The following ADAMTSL1 variants were observed in gnomAD, a reference collection of about 807,000 sequenced individuals.
ADAMTSL1 encodes the protein ADAMTS like 1, also known as ADAMTS-like protein 1.
In ADAMTSL1, 126 loss-of-function variants were observed where a neutral mutation model predicts 201.8. The observed-to-expected ratio is 0.62, with a 90% CI of 0.54 to 0.72. The LOEUF (loss-of-function observed/expected upper bound fraction) is 0.72, where lower values mean the gene tolerates loss of function less well. Ranked by LOEUF, ADAMTSL1 falls within the 30% of genes least tolerant of loss-of-function variation. The pLI is 0.00. For missense variants in ADAMTSL1, 2,679 were observed against 2,277.8 expected (o/e 1.18, Z -3.59); for synonymous variants, 1,121 against 903.4 (o/e 1.24, Z -4.32).
At chr9:18,838,681 A>G (rs1825495120) in intron 23 of ADAMTSL1, among the ~76,000 whole-genome samples, 2 of 151,874 alleles carry the variant, frequency 1.3e-5, no homozygotes, top group Admixed American at 1.3e-4. Context: ...TTTTTAAAAT[A>G]TAACTAGGCA....
intron 2 of ADAMTSL1, among the ~76,000 whole-genome samples, chr9:18,348,908 G>A (rs1425199569): frequency 6.6e-6 from 1 of 152,116 alleles, no homozygotes; most frequent in African/African-American, 2.4e-5. Context: ...ACCATTTATT[G>A]AACGTGTATT....
chr9:18,021,498 G>A (rs776172925), intron 1 of ADAMTSL1, among the ~76,000 whole-genome samples: 1 of 152,102 alleles, frequency 6.6e-6, no homozygotes, highest in Non-Finnish European at 1.5e-5. Flanking sequence ...GCTTCAGTTG[G>A]TGGTTGGAAC....
rs571015248 is a variant in ADAMTSL1, at chr9:18,404,986, C to T, written c.208-99843C>T. On this transcript the variant is annotated intron_variant, in intron 2 of 29. Transcript: ENST00000680146. ...TTAGTCTGCCATTGAGTCTGGCCAA[C>T]AACTTTCTTGACTAGACTTGCCTTG... is the stretch of plus-strand genomic sequence containing the variant. Among the ~76,000 whole-genome samples the T allele has an allele frequency of 4.0e-4, 61 of 152,224 alleles. 1 individual carries two copies. The South Asian group carries it at 0.013, about 32-fold the overall frequency.
At chr9:18,293,173 C>T (rs1174584459) in intron 2 of ADAMTSL1, among the ~76,000 whole-genome samples, 1 of 152,126 alleles carries the variant, frequency 6.6e-6, no homozygotes, top group African/African-American at 2.4e-5. Flanking sequence ...CACTGATGGG[C>T]ACCTAGGTTG....
chr9:18,543,795 G>C (rs928123308), intron 3 of ADAMTSL1, among the ~76,000 whole-genome samples: 7 of 152,204 alleles, frequency 4.6e-5, no homozygotes, highest in Admixed American at 4.6e-4. Flanking sequence ...AGCTGGCCAA[G>C]TTCACTGGGT....
At chr9:18,007,746 G>C (rs887040724) in intron 1 of ADAMTSL1, among the ~76,000 whole-genome samples, 1 of 151,782 alleles carries the variant, frequency 6.6e-6, no homozygotes, top group Non-Finnish European at 1.5e-5. Flanking sequence ...ATGTTCTGAT[G>C]TTCAAATGTT....
At chr9:18,833,885 T>A (rs1322188082) in intron 23 of ADAMTSL1, among the ~76,000 whole-genome samples, 1 of 152,170 alleles carries the variant, frequency 6.6e-6, no homozygotes, top group African/African-American at 2.4e-5. Flanking sequence ...AGGAAGGGAC[T>A]CAGTTTTAAT....
chr9:18,131,203 A>C (rs1424060473), intron 1 of ADAMTSL1, among the ~76,000 whole-genome samples: 1 of 152,168 alleles, frequency 6.6e-6, no homozygotes, highest in Admixed American at 6.6e-5. Flanking sequence ...ATTTTGAGTA[A>C]GTTATTTAAG....
In ADAMTSL1 at chr9:18,087,588, A is replaced by C. The variant is rs377125238; in HGVS notation, c.88-76274A>C. 1.9e-4 allele frequency among the ~76,000 whole-genome samples: 29 copies of C among 152,288 alleles called. No individual in the cohort carries two copies. In the East Asian group the frequency reaches 5.2e-3, roughly 27 times the overall value. On this transcript the variant is annotated intron_variant, in intron 1 of 29. Coordinates refer to the ADAMTSL1 transcript ENST00000680146. Reference sequence around the variant, plus strand: ...TAATTTTGGATTTGCATTTTATAACAGAAAATTTAAAGTTTTCTATTAGTA... The same window carrying C: ...TAATTTTGGATTTGCATTTTATAACCGAAAATTTAAAGTTTTCTATTAGTA...
At chr9:18,657,518 AGTG>A (rs1828769785) in intron 7 of ADAMTSL1, 118 bp from the exon 8 acceptor site, 5 of 663,772 alleles carry the variant, frequency 7.5e-6, no homozygotes, top group Non-Finnish European at 1.1e-5. Context: ...CTTCTCCCGC[AGTG>A]CAGTCCCTCA....
At chr9:18,208,451 G>A (rs983120636) in intron 2 of ADAMTSL1, among the ~76,000 whole-genome samples, 1 of 152,076 alleles carries the variant, frequency 6.6e-6, no homozygotes, top group African/African-American at 2.4e-5. Flanking sequence ...TCAGATACAC[G>A]GCAACCAATG....
chr9:18,059,154 C>G (rs1322878134), intron 1 of ADAMTSL1, among the ~76,000 whole-genome samples: 1 of 152,152 alleles, frequency 6.6e-6, no homozygotes, highest in Non-Finnish European at 1.5e-5. Flanking sequence ...TGGAGGGTAT[C>G]ACAGACACGA....
chr9:18,362,505 G>A (rs1437727441), intron 2 of ADAMTSL1, among the ~76,000 whole-genome samples: 3 of 152,170 alleles, frequency 2.0e-5, no homozygotes, highest in Non-Finnish European at 4.4e-5. Flanking sequence ...ATATTGAATA[G>A]CTGAGTGTTC....
chr9:18,134,695 G>C (rs1564019305), intron 1 of ADAMTSL1, among the ~76,000 whole-genome samples: 1 of 152,088 alleles, frequency 6.6e-6, no homozygotes. Context: ...AACAGCCTTA[G>C]ATTTACTAAA....
At chr9:18,287,631 G>GTATGTGTATACATATACA (rs1563860088) in intron 2 of ADAMTSL1, among the ~76,000 whole-genome samples, 1,491 of 115,220 alleles carry the variant, frequency 0.013, 66 homozygotes, top group African/African-American at 0.054. Flanking sequence ...ATACATATAC[G>GTATGTGTATACATATACA]CATATATGTA....
intron 2 of ADAMTSL1, among the ~76,000 whole-genome samples, chr9:18,287,491 C>T (rs529069846): frequency 2.1e-4 from 31 of 150,800 alleles, no homozygotes; most frequent in Admixed American, 6.6e-4. Flanking sequence ...ATATGTAATG[C>T]ATGTATTTAT....
intron 2 of ADAMTSL1, among the ~76,000 whole-genome samples, chr9:18,276,845 C>T (rs952194596): frequency 1.3e-5 from 2 of 152,148 alleles, no homozygotes; most frequent in African/African-American, 4.8e-5. Context: ...ACCCCCAGGA[C>T]CCAAACTCCT....
intron 2 of ADAMTSL1, among the ~76,000 whole-genome samples, chr9:18,415,254 A>G (rs1381384948): frequency 1.3e-5 from 2 of 152,208 alleles, no homozygotes; most frequent in African/African-American, 4.8e-5. Context: ...CCACCCCAGA[A>G]TTGTCACAGA....
intron 1 of ADAMTSL1, among the ~76,000 whole-genome samples, chr9:18,140,924 A>C (rs993324936): frequency 6.6e-6 from 1 of 152,220 alleles, no homozygotes; most frequent in African/African-American, 2.4e-5. Flanking sequence ...GCAAAATTTC[A>C]TGTAGCCATT....
Sources: allele counts gnomAD v4.1 joint callset (sites outside exome capture counted in the v4.1 genomes callset), GRCh38; gene constraint gnomAD v4.1.1; transcripts MANE v1.5; gene names NCBI Gene and HGNC (gene_info 2026-07-23, HGNC 2026-07-21).